The following NEDD1 variants were observed in gnomAD, a reference collection of about 807,000 sequenced individuals.
NEDD1 encodes NEDD1 gamma-tubulin ring complex targeting factor, also known as protein NEDD1.
In NEDD1, 33 loss-of-function variants were observed where a neutral mutation model predicts 74.0. That is an observed-to-expected ratio of 0.45 (90% CI 0.34 to 0.60). NEDD1 has a LOEUF of 0.60. NEDD1 is among the 20% of genes least tolerant of loss of function. The pLI is 0.01. For missense variants in NEDD1, 746 were observed against 776.5 expected, an observed-to-expected ratio of 0.96 and a Z score of 0.47; for synonymous variants, 250 against 264.4, an observed-to-expected ratio of 0.95 and a Z score of 0.53.
At chr12:96,936,419 A>G (rs370879571) in intron 7 of NEDD1, among the ~76,000 whole-genome samples, 192 bp from the exon 8 acceptor site, 5 of 152,238 alleles carry the variant, frequency 3.3e-5, no homozygotes, top group South Asian at 2.1e-4. Flanking sequence ...GCAGTTCTCT[A>G]TATGCCATTT....
chr12:96,918,549 C>T (rs1472423835), intron 5 of NEDD1, among the ~76,000 whole-genome samples: 1 of 152,128 alleles, frequency 6.6e-6, no homozygotes, highest in Non-Finnish European at 1.5e-5. Flanking sequence ...CTCAATTACT[C>T]TGGATGGTTT....
At chr12:96,924,959 T>C (rs1008009566) in intron 6 of NEDD1, 6 of 401,126 alleles carry the variant, frequency 1.5e-5, no homozygotes, top group Non-Finnish European at 2.4e-5. Flanking sequence ...TTTGTAGATA[T>C]CCTTTATCTT....
At chr12:96,923,145 T>C (rs373405333) in intron 6 of NEDD1, among the ~76,000 whole-genome samples, 1 of 152,060 alleles carries the variant, frequency 6.6e-6, no homozygotes, top group Non-Finnish European at 1.5e-5. Context: ...AGGAATCATA[T>C]GTGTCTGGTT....
chr12:96,923,506 G>A (rs1411436425), intron 6 of NEDD1, among the ~76,000 whole-genome samples: 1 of 151,950 alleles, frequency 6.6e-6, no homozygotes, highest in Non-Finnish European at 1.5e-5. Context: ...GCTAATACTT[G>A]GCATTATCTG....
chr12:96,926,773 A>G (rs1875743852), intron 6 of NEDD1, among the ~76,000 whole-genome samples: 2 of 152,066 alleles, frequency 1.3e-5, no homozygotes, highest in South Asian at 4.1e-4. Flanking sequence ...CAGGCAGATC[A>G]CTTGAGCCCA....
At chr12:96,928,179 T>C (rs76697101) in intron 6 of NEDD1, among the ~76,000 whole-genome samples, 7,189 of 152,276 alleles carry the variant, frequency 0.047, 274 homozygotes, top group Non-Finnish European at 0.068. Flanking sequence ...GTCCATATAG[T>C]TATACTCATT....
At chr12:96,938,907 C>G (rs527596553) in intron 9 of NEDD1, among the ~76,000 whole-genome samples, 5 of 152,090 alleles carry the variant, frequency 3.3e-5, no homozygotes, top group African/African-American at 1.2e-4. Context: ...TCTGTCACTT[C>G]CGGCCAGGAT....
intron 1 of NEDD1, 36 bp from the exon 2 acceptor site, chr12:96,907,568 C>CT: frequency 1.9e-6 from 3 of 1,546,534 alleles, no homozygotes; most frequent in Non-Finnish European, 2.6e-6. Context: ...AGTCTGTCTC[C>CT]TTTTTTGTCA....
intron 3 of NEDD1, among the ~76,000 whole-genome samples, chr12:96,911,260 A>G (rs1385888849): frequency 6.6e-6 from 1 of 152,034 alleles, no homozygotes; most frequent in Admixed American, 6.6e-5. Flanking sequence ...TAGTAAGATT[A>G]TTTTTTGGTT....
intron 5 of NEDD1, 31 bp from the exon 6 acceptor site, chr12:96,919,954 C>T (rs1209745091): frequency 5.2e-6 from 8 of 1,538,496 alleles, no homozygotes; most frequent in Non-Finnish European, 6.2e-6. Context: ...GATTATGGGG[C>T]AGTGTACTTA....
chr12:96,949,295 A>G (rs756608618), intron 14 of NEDD1, among the ~76,000 whole-genome samples: 2 of 152,234 alleles, frequency 1.3e-5, no homozygotes, highest in African/African-American at 2.4e-5. Context: ...AGTTTTTACT[A>G]TAATTGAAAG....
intron 6 of NEDD1, among the ~76,000 whole-genome samples, chr12:96,930,199 ACACACACACACACTCTCT>A (rs1196399226): frequency 6.5e-4 from 41 of 63,526 alleles, no homozygotes; most frequent in Admixed American, 2.2e-3. Context: ...ACACACACAC[ACACACACACACACTCTCT>A]CTCTCTCTCT....
Position 96,943,753 on chromosome 12 carries a change from C to T in NEDD1, c.1488C>T (p.Ser496=). Residue 496 remains serine, a synonymous_variant, in exon 12 of 16, where the codon TCC becomes TCT. Coordinates refer to ENST00000266742, the MANE Select transcript of NEDD1 (RefSeq NM_152905.4). ...TGGGAAAACAGGAATCTAAAGACTC[C>T]TTCAAACAGGTATTTGCCTGAAAAT... ...IYMGKQESKD[S]FKQLAKLVTS... is the part of the protein sequence containing the mutation. The T allele has an allele frequency of 8.7e-6, 14 of 1,602,302 alleles. No individual in the cohort carries two copies. Among genetic ancestry groups the T allele is most frequent in the Non-Finnish European group, 1.2e-5 (14 of 1,170,592 alleles).
intron 4 of NEDD1, among the ~76,000 whole-genome samples, chr12:96,914,539 T>A (rs943512092): frequency 6.6e-6 from 1 of 152,222 alleles, no homozygotes; most frequent in South Asian, 2.1e-4. Flanking sequence ...GAAACATTGG[T>A]TTTTTAGCTT....
chr12:96,951,937 C>CTG lies in NEDD1; in HGVS notation c.1879-10_1879-9dup. The CTG allele has an allele frequency of 1.4e-6, 2 of 1,381,952 alleles. No homozygotes were observed. Among genetic ancestry groups the CTG allele is most frequent in the Non-Finnish European group, 2.1e-6 (2 of 974,374 alleles). The allele number at this position is 1,381,952 out of a possible 1,614,324, so 85.6% of individuals were successfully genotyped here. On this transcript the variant is annotated splice_polypyrimidine_tract_variant and intron_variant, in intron 15 of 15. Coordinates refer to ENST00000266742, the MANE Select transcript of NEDD1 (RefSeq NM_152905.4). ...TATCAATAATTTAAAAAGCATTTTCCTGTTTTTCTAGAATGAAATGCATTC... is the reference window on the plus strand; with the variant it reads ...TATCAATAATTTAAAAAGCATTTTCCTGTGTTTTTCTAGAATGAAATGCATTC...
intron 6 of NEDD1, 33 bp downstream of exon 6, chr12:96,920,158 TA>T: frequency 7.1e-7 from 1 of 1,403,818 alleles, no homozygotes; most frequent in Non-Finnish European, 9.6e-7. Context: ...GTAAAATTGG[TA>T]AGATAGATTT....
chr12:96,937,529 G>T, intron 9 of NEDD1, 136 bp downstream of exon 9: 1 of 446,804 alleles, frequency 2.2e-6, no homozygotes, highest in Non-Finnish European at 4.0e-6. Context: ...AAAATTAGTA[G>T]AAGTGAAAAT....
chr12:96,943,150 G>A (rs1055388623), intron 11 of NEDD1, among the ~76,000 whole-genome samples: 14 of 152,010 alleles, frequency 9.2e-5, no homozygotes, highest in Non-Finnish European at 1.3e-4. Flanking sequence ...CAAGGATAGC[G>A]ACGCCAAAGG....
chr12:96,944,518 A>G (rs1055146914), intron 12 of NEDD1, 121 bp from the exon 13 acceptor site: 12 of 504,122 alleles, frequency 2.4e-5, no homozygotes, highest in African/African-American at 4.1e-5. Context: ...ATCTCTTCCT[A>G]TTTTCCTTCA....
Sources: gnomAD v4.1 joint callset for allele counts (sites outside exome capture counted in the v4.1 genomes callset) on GRCh38, gnomAD v4.1.1 for gene constraint, MANE v1.5 for transcripts, NCBI Gene and HGNC (gene_info 2026-07-23, HGNC 2026-07-21) for gene names.